Variants in SIGLEC12 observed in about 807,000 individuals in gnomAD.
SIGLEC12 encodes sialic acid binding Ig like lectin 12, also known as sialic acid-binding Ig-like lectin 12.
Under a neutral mutation model 54.1 loss-of-function variants are expected in SIGLEC12, and 43 were observed. The observed-to-expected ratio is 0.80, with a 90% CI of 0.62 to 1.03. The LOEUF (loss-of-function observed/expected upper bound fraction) is 1.03, where lower values mean the gene tolerates loss of function less well. Among genes scored for constraint, SIGLEC12 ranks in the 50% least tolerant of loss-of-function variants. The probability of loss-of-function intolerance (pLI) is 0.00; values close to 1 mark genes in which losing one functional copy is unlikely to be tolerated. For missense variants in SIGLEC12, 802 were observed against 735.2 expected, an observed-to-expected ratio of 1.09 and a Z score of -1.05; for synonymous variants, 357 against 307.6, an observed-to-expected ratio of 1.16 and a Z score of -1.68.
intron 1 of SIGLEC12, 27 bp from the exon 2 acceptor site, chr19:51,500,327 C>A (rs959031410): frequency 1.9e-6 from 3 of 1,614,070 alleles, no homozygotes; most frequent in Non-Finnish European, 2.5e-6. Context: ...GTCAGCCCAG[C>A]CCCCACTGTC....
Position 51,496,948 on chromosome 19 carries a change from T to G in SIGLEC12, c.1531A>C (p.Arg511=), listed in dbSNP as rs1990257308. 2 of 1,613,542 alleles carry G rather than the reference T, an allele frequency of 1.2e-6. No homozygotes were observed. Among genetic ancestry groups the G allele is most frequent in the African/African-American group, 1.3e-5 (1 of 75,010 alleles). ...GTATCCCCCACGCCCACTGCTGGCC[T>G]TGCCGATTTCTTCCTGCAGGACCTC... ...VVRSCRKKSA[R]PAVGVGDTGM... is the part of the protein sequence containing the mutation. The change falls in exon 7 of 8, where the codon AGG becomes CGG. Residue 511 remains arginine (R), a synonymous_variant. Transcript: ENST00000291707.
intron 7 of SIGLEC12, among the ~76,000 whole-genome samples, chr19:51,495,096 T>C (rs1990187933): frequency 6.6e-6 from 1 of 151,904 alleles, no homozygotes; most frequent in Admixed American, 6.6e-5. Context: ...GTAAATTTTA[T>C]GTTATGTGTT....
In SIGLEC12 at chr19:51,491,718, G is replaced by C; in HGVS notation, c.1711C>G (p.His571Asp). 1.2e-6 allele frequency: 2 copies of C among 1,613,932 alleles called. No individual in the cohort carries two copies. Residue 571 changes from histidine (H) to aspartate (D), a missense_variant, in exon 8 of 8, where the codon CAC (histidine) becomes GAC (aspartate). His to Asp is a moderately conservative substitution (Grantham distance 81). Coordinates refer to ENST00000291707, the MANE Select transcript of SIGLEC12 (RefSeq NM_053003.4). ...TGTGGGTACTGAGGCCTCGCTTTGT[G>C]GAAGCTGAGGGATGCATACTGGATC... Reference protein sequence around the residue: ...GEIQYASLSFHKARPQYPQEQ... With the variant: ...GEIQYASLSFDKARPQYPQEQ...
At position 51,499,956 on chromosome 19, in the gene SIGLEC12, T is replaced by G; in HGVS notation, c.772A>C (p.Asn258His). ...FQVERGSRKW[N>H]YIYDKLSVHV... ...ACAGAGAGCTTGTCATATATGTAGTTCCATTTCCTGCTTCCTCTCTCCACC... is the reference window on the plus strand; with the variant it reads ...ACAGAGAGCTTGTCATATATGTAGTGCCATTTCCTGCTTCCTCTCTCCACC... The change falls in exon 2 of 8, where the codon AAC (asparagine) becomes CAC (histidine). Residue 258 changes from asparagine (N) to histidine (H), a missense_variant. By Grantham distance (68) the Asn-to-His change is moderately conservative. Coordinates refer to ENST00000291707, the MANE Select transcript of SIGLEC12 (RefSeq NM_053003.4). The G allele has an allele frequency of 6.2e-7, 1 of 1,613,824 alleles. No homozygotes were observed. The highest frequency in any genetic ancestry group is 8.5e-7 in the Non-Finnish European group (1 of 1,179,858).
rs74354979 is a variant in SIGLEC12, at chr19:51,501,505, C to G, written c.229G>C (p.Ala77Pro). Residue 77 changes from alanine (A) to proline (P), a missense_variant, in exon 1 of 8, where the codon GCC becomes CCC. Ala to Pro is a conservative substitution (Grantham distance 27, BLOSUM62 -1). Coordinates refer to ENST00000291707, the MANE Select transcript of SIGLEC12 (RefSeq NM_053003.4). ...ACTGCTCGAGCTGGGTTGTTTGTGG[C>G]CACTGGAATGTTCCGGCTTACATGG... is the stretch of plus-strand genomic sequence containing the variant. ...GDHVSRNIPVATNNPARAVQE... is the reference protein window; with the variant it reads ...GDHVSRNIPVPTNNPARAVQE... 5 of 1,609,926 alleles carry G rather than the reference C, an allele frequency of 3.1e-6. No homozygotes were observed. Among genetic ancestry groups the G allele is most frequent in the Non-Finnish European group, 3.4e-6 (4 of 1,178,756 alleles).
chr19:51,501,470 C>T lies in SIGLEC12; in HGVS notation c.264G>A (p.Glu88=). The T allele has an allele frequency of 6.2e-7, 1 of 1,614,208 alleles. No individual in the cohort carries two copies. Among genetic ancestry groups the T allele is most frequent in the Non-Finnish European group, 8.5e-7 (1 of 1,180,038 alleles). The change falls in exon 1 of 8, where the codon GAG becomes GAA. Residue 88 remains glutamate, a synonymous_variant. Coordinates refer to ENST00000291707, the MANE Select transcript of SIGLEC12 (RefSeq NM_053003.4). ...TNNPARAVQE[E]TRDRFHLLGD... ...CAAGGAGGTGGAATCGGTCCCGAGT[C>T]TCCTCCTGCACTGCTCGAGCTGGGT...
At position 51,491,809 on chromosome 19, in the gene SIGLEC12, CG is replaced by C. The variant is rs1568527442; in HGVS notation, c.1619del (p.Pro540ArgfsTer66). 1 of 1,576,784 alleles carries C rather than the reference CG, an allele frequency of 6.3e-7. No individual in the cohort carries two copies. On this transcript the variant is annotated frameshift_variant, in exon 8 of 8. Transcript: ENST00000291707. LOFTEE classifies it low-confidence loss of function (END_TRUNC). Reference sequence around the variant, plus strand: ...CATGGTGTGGGGGGCTGTCATCTGCCGGGGATTCAATCAGGGGTCCCTGAAT... The same window carrying C: ...CATGGTGTGGGGGGCTGTCATCTGCCGGGATTCAATCAGGGGTCCCTGAAT... ...SASQGPLIESPADDSPPHHAP... is the reference protein window; with the variant it reads ...SASQGPLIESXADDSPPHHAP...
At position 51,499,528 on chromosome 19, in the gene SIGLEC12, GC is replaced by G. The variant is rs747733551; in HGVS notation, c.996del (p.Gln332HisfsTer13). On this transcript the variant is annotated frameshift_variant, in exon 3 of 8. Coordinates refer to ENST00000291707, the MANE Select transcript of SIGLEC12 (RefSeq NM_053003.4). LOFTEE classifies it high-confidence loss of function. ...GTGAGGCTGGTGCCATGGTCCTGGG[GC>G]TGTGGGATGAGGCTGAGCATCGAGG... The part of the protein sequence containing the change: ...TRSSMLSLIP[Q>X]PQDHGTSLTC... The G allele has an allele frequency of 6.2e-7, 1 of 1,610,848 alleles. No homozygotes were observed. The highest frequency in any genetic ancestry group is 8.5e-7 in the Non-Finnish European group (1 of 1,178,430).
At position 51,498,028 on chromosome 19, in the gene SIGLEC12, G is replaced by C. The variant is rs56102305; in HGVS notation, c.1395C>G (p.Asn465Lys). ...CCCTCCCCTACCCACCTGTGTACTC[G>C]TTTTGCAGGGAGAGGCTCAGGGAAA... is the stretch of plus-strand genomic sequence containing the variant. ...QHISLSLSLQ[N>K]EYTGKMRPIS... is the part of the protein sequence containing the mutation. Residue 465 changes from asparagine (N) to lysine (K), a missense_variant, in exon 5 of 8, where the codon AAC becomes AAG. Asn to Lys is a moderately conservative substitution (Grantham distance 94, BLOSUM62 0). Transcript: ENST00000291707. 6.2e-7 allele frequency: 1 copy of C among 1,614,180 alleles called. No individual in the cohort carries two copies. The highest frequency in any genetic ancestry group is 1.3e-5 in the African/African-American group (1 of 75,040).
intron 1 of SIGLEC12, 51 bp from the exon 2 acceptor site, chr19:51,500,351 G>T (rs1990363895): frequency 1.2e-6 from 2 of 1,613,808 alleles, no homozygotes; most frequent in African/African-American, 1.3e-5. Flanking sequence ...CTCTTCATTT[G>T]CCCATAGCAG....
At chr19:51,496,208 G>A (rs887572091) in intron 7 of SIGLEC12, among the ~76,000 whole-genome samples, 4 of 152,184 alleles carry the variant, frequency 2.6e-5, no homozygotes, top group Non-Finnish European at 4.4e-5. Flanking sequence ...GGTGGCTCAC[G>A]CCTATAATCC....
rs538969850 is a variant in SIGLEC12 at position 51,499,198 on chromosome 19, G to A, written c.1107C>T (p.Thr369=). The change falls in exon 4 of 8, where the codon ACC becomes ACT. Residue 369 remains threonine (T), a synonymous_variant. Coordinates refer to ENST00000291707, the MANE Select transcript of SIGLEC12 (RefSeq NM_053003.4). The part of the protein sequence containing the change: ...LNISYPPQNL[T]MTVFQGDGTA... The stretch of plus-strand genomic sequence containing the variant: ...TGCCATCTCCTTGGAAGACAGTCAT[G>A]GTCAAGTTCTGAGGAGGATCTGGAA... The A allele has an allele frequency of 6.8e-6, 11 of 1,614,040 alleles. No individual in the cohort carries two copies. In the South Asian group the frequency reaches 9.9e-5, roughly 14 times the overall value.
chr19:51,495,265 A>ACGGG (rs1990202125), intron 7 of SIGLEC12, among the ~76,000 whole-genome samples: 7 of 59,422 alleles, frequency 1.2e-4, no homozygotes, highest in South Asian at 1.3e-3. Flanking sequence ...GGGTGGGTGG[A>ACGGG]TGGATGGATG....
Position 51,498,198 on chromosome 19 carries a change from C to A in SIGLEC12, c.1225G>T (p.Ala409Ser). 1 of 1,614,198 alleles carries A rather than the reference C, an allele frequency of 6.2e-7. No individual in the cohort carries two copies. The highest frequency in any genetic ancestry group is 1.3e-5 in the African/African-American group (1 of 75,054). The change falls in exon 5 of 8, where the codon GCC (alanine) becomes TCC (serine). Residue 409 changes from alanine (A) to serine (S), a missense_variant. By Grantham distance (99) the Ala-to-Ser change is moderately conservative. Transcript: ENST00000291707. ...CTCCCCCAGGTCCAGCTCAGCCTGG[C>A]AGGGGGATTGCTGTCGACAGCACAG... is the stretch of plus-strand genomic sequence containing the variant. ...LVCAVDSNPP[A>S]RLSWTWGSLT...
chr19:51,498,072 G>T lies in SIGLEC12; in HGVS notation c.1351C>A (p.Pro451Thr), dbSNP rs201791049. 1.5e-5 allele frequency: 24 copies of T among 1,614,096 alleles called. No homozygotes were observed. The African/African-American group carries it at 2.8e-4, about 19-fold the overall frequency. ...EGEFTCRAQN[P>T]LGSQHISLSL... ...AGGGAAATGTGCTGGGAGCCTAGAGGGTTCTGAGCTCGGCAGGTGAATTCC... is the reference window on the plus strand; with the variant it reads ...AGGGAAATGTGCTGGGAGCCTAGAGTGTTCTGAGCTCGGCAGGTGAATTCC... The change falls in exon 5 of 8, where the codon CCT (proline) becomes ACT (threonine). Residue 451 changes from proline (P) to threonine (T), a missense_variant. By Grantham distance (38) the Pro-to-Thr change is conservative. Coordinates refer to ENST00000291707, the MANE Select transcript of SIGLEC12 (RefSeq NM_053003.4).
Position 51,501,526 on chromosome 19 carries a change from C to A in SIGLEC12, c.208G>T (p.Val70Leu), listed in dbSNP as rs541963042. The change falls in exon 1 of 8, where the codon GTA becomes TTA. Residue 70 changes from valine (V) to leucine (L), a missense_variant. Physicochemically the swap from Val to Leu is conservative, Grantham distance 32 (BLOSUM62 1). Coordinates refer to ENST00000291707, the MANE Select transcript of SIGLEC12 (RefSeq NM_053003.4). ...GTGGCCACTGGAATGTTCCGGCTTACATGGTCCCCTGCCCGGAACCAGTAG... is the reference window on the plus strand; with the variant it reads ...GTGGCCACTGGAATGTTCCGGCTTAAATGGTCCCCTGCCCGGAACCAGTAG... ...HGYWFRAGDH[V>L]SRNIPVATNN... 2 of 1,554,162 alleles carry A rather than the reference C, an allele frequency of 1.3e-6. No homozygotes were observed. Among genetic ancestry groups the A allele is most frequent in the African/African-American group, 1.6e-5 (1 of 60,804 alleles).
Position 51,498,064 on chromosome 19 carries a change from G to T in SIGLEC12, c.1359C>A (p.Gly453=), listed in dbSNP as rs866245510. 11 of 1,614,248 alleles carry T rather than the reference G, an allele frequency of 6.8e-6. No individual in the cohort carries two copies. In the Admixed American group the frequency reaches 8.3e-5, roughly 12 times the overall value. The change falls in exon 5 of 8, where the codon GGC becomes GGA. Residue 453 remains glycine, a synonymous_variant. Transcript: ENST00000291707. Reference sequence around the variant, plus strand: ...AGAGGCTCAGGGAAATGTGCTGGGAGCCTAGAGGGTTCTGAGCTCGGCAGG... The same window carrying T: ...AGAGGCTCAGGGAAATGTGCTGGGATCCTAGAGGGTTCTGAGCTCGGCAGG... ...EFTCRAQNPL[G]SQHISLSLSL...
chr19:51,492,220 G>C (rs1378814691), intron 7 of SIGLEC12, among the ~76,000 whole-genome samples: 1 of 152,176 alleles, frequency 6.6e-6, no homozygotes, highest in Non-Finnish European at 1.5e-5. Context: ...GTGCTGGATG[G>C]ACTGTGGTGG....
chr19:51,501,692 C>T lies in SIGLEC12; in HGVS notation c.42G>A (p.Gly14=). 1.9e-6 allele frequency: 3 copies of T among 1,613,668 alleles called. No individual in the cohort carries two copies. Among genetic ancestry groups the T allele is most frequent in the East Asian group, 2.2e-5 (1 of 44,880 alleles). The change falls in exon 1 of 8, where the codon GGG becomes GGA. Residue 14 remains glycine, a synonymous_variant. Transcript: ENST00000291707. ...LLLLLPPLLC[G]RVGAKEQKDY... The stretch of plus-strand genomic sequence containing the variant: ...CCTTCTGTTCCTTAGCCCCCACTCT[C>T]CCACAGAGCAGGGGTGGCAGCAGTA...
Sources: gnomAD v4.1 joint callset for allele counts (sites outside exome capture counted in the v4.1 genomes callset) on GRCh38, gnomAD v4.1.1 for gene constraint, MANE v1.5 for transcripts, NCBI Gene and HGNC (gene_info 2026-07-23, HGNC 2026-07-21) for gene names.